Variants in BBS12 observed in about 807,000 individuals in gnomAD.
The protein encoded by BBS12 is Bardet-Biedl syndrome 12.
Under a neutral mutation model 5.6 loss-of-function variants are expected in BBS12, and 5 were observed. That is an observed-to-expected ratio of 0.89 (90% CI 0.46 to 1.86). The LOEUF (loss-of-function observed/expected upper bound fraction) is 1.86. BBS12 is among the 40% of genes most tolerant of loss of function. BBS12 has a pLI of 0.01. For synonymous variants in BBS12, 308 were observed against 306.8 expected (o/e 1.00, Z -0.04); for missense variants, 748 against 830.4 (o/e 0.90, Z 1.22).
the BBS12 span, among the ~76,000 whole-genome samples, chr4:122,723,497 A>G: frequency 1.3e-5 from 2 of 152,190 alleles, no homozygotes; most frequent in African/African-American, 2.4e-5. Flanking sequence ...GATCCATCCA[A>G]TATGAATTTT....
At position 122,732,839 on chromosome 4, in the gene BBS12, G is replaced by A. The variant is rs1800720082; in HGVS notation, c.-56G>A. On this transcript the variant is annotated 5_prime_UTR_variant, in exon 1 of 2. Transcript: ENST00000314218. ...AGCCAGAATCGCGTCTGGCCGGTGG[G>A]AAGCCGGGAACTCCAGCCCCCTGTA... 6.6e-6 allele frequency: 1 copy of A among 152,346 alleles called. No homozygotes were observed. Among genetic ancestry groups the A allele is most frequent in the African/African-American group, 2.4e-5 (1 of 41,446 alleles). 9.4% of individuals were successfully genotyped at this position (152,346 alleles called of 1,614,324 possible). A position where few individuals can be genotyped will look rare whatever the true frequency, so the allele number is the denominator to read the frequency against.
chr4:122,723,471 T>A, the BBS12 span, among the ~76,000 whole-genome samples: 6 of 152,238 alleles, frequency 3.9e-5, no homozygotes, highest in African/African-American at 1.2e-4. Flanking sequence ...TTCTGCTTAT[T>A]CTCAGACTTG....
At chr4:122,736,320 A>G (rs1213824330) in intron 1 of BBS12, among the ~76,000 whole-genome samples, 3 of 152,192 alleles carry the variant, frequency 2.0e-5, no homozygotes, top group Non-Finnish European at 4.4e-5. Flanking sequence ...TTTAAACAGT[A>G]GAGTGACATG....
the BBS12 span, among the ~76,000 whole-genome samples, chr4:122,710,404 T>A: frequency 6.6e-6 from 1 of 152,226 alleles, no homozygotes; most frequent in African/African-American, 2.4e-5. Flanking sequence ...GAAACTTTCT[T>A]TTCCCAAGAT....
chr4:122,726,657 T>C, the BBS12 span, among the ~76,000 whole-genome samples: 2 of 122,514 alleles, frequency 1.6e-5, no homozygotes, highest in African/African-American at 7.5e-5. Flanking sequence ...TCCATGTTTA[T>C]AGCAGCACAA....
the BBS12 span, among the ~76,000 whole-genome samples, chr4:122,721,150 G>A: frequency 2.0e-5 from 3 of 152,002 alleles, no homozygotes; most frequent in Admixed American, 2.0e-4. Context: ...TCAGACAAAA[G>A]CTCAGAGAAT....
chr4:122,710,497 T>C, the BBS12 span, among the ~76,000 whole-genome samples: 1 of 152,220 alleles, frequency 6.6e-6, no homozygotes, highest in South Asian at 2.1e-4. Context: ...AAGGAATTAT[T>C]CATATCCAGT....
At chr4:122,739,178 T>G (rs1357847388) in intron 1 of BBS12, among the ~76,000 whole-genome samples, 2 of 152,236 alleles carry the variant, frequency 1.3e-5, no homozygotes, top group Non-Finnish European at 2.9e-5. Context: ...ATTTTGATTT[T>G]GGGCTTCTAG....
At chr4:122,713,037 ATGAC>A in the BBS12 span, among the ~76,000 whole-genome samples, 9 of 152,262 alleles carry the variant, frequency 5.9e-5, no homozygotes, top group African/African-American at 2.2e-4. Context: ...AGTATTTCAG[ATGAC>A]TGCAGTTATA....
the BBS12 span, among the ~76,000 whole-genome samples, chr4:122,726,894 G>A: frequency 1.8e-4 from 27 of 152,312 alleles, no homozygotes; most frequent in East Asian, 4.2e-3. Context: ...ATAAGTGGGA[G>A]CTAAGCTATG....
chr4:122,701,915 T>C, the BBS12 span, among the ~76,000 whole-genome samples: 1 of 152,184 alleles, frequency 6.6e-6, no homozygotes, highest in Non-Finnish European at 1.5e-5. Flanking sequence ...GCAGCATGAT[T>C]GCTCCTGCCA....
upstream of BBS12, chr4:122,730,744 T>C (rs1476029833): frequency 6.6e-6 from 1 of 151,350 alleles, no homozygotes; most frequent in East Asian, 1.9e-4. Context: ...CAACTAAAGT[T>C]AGAATTATAA....
At chr4:122,727,224 T>A in the BBS12 span, among the ~76,000 whole-genome samples, 1 of 152,294 alleles carries the variant, frequency 6.6e-6, no homozygotes, top group Admixed American at 6.5e-5. Flanking sequence ...TATAAAATGC[T>A]CTTACAAACC....
chr4:122,715,811 A>C, the BBS12 span, among the ~76,000 whole-genome samples: 1 of 152,250 alleles, frequency 6.6e-6, no homozygotes, highest in Admixed American at 6.5e-5. Flanking sequence ...ATTAATATAA[A>C]GAATCTTATC....
the BBS12 span, among the ~76,000 whole-genome samples, chr4:122,701,475 T>A: frequency 6.6e-6 from 1 of 152,354 alleles, no homozygotes; most frequent in East Asian, 1.9e-4. Flanking sequence ...CATGTACACA[T>A]TTATGTCTGT....
intron 1 of BBS12, among the ~76,000 whole-genome samples, chr4:122,735,582 T>TTA (rs1165915753): frequency 1.3e-5 from 2 of 152,214 alleles, no homozygotes; most frequent in African/African-American, 4.8e-5. Flanking sequence ...TGGTTAAAAC[T>TTA]TATATTCATG....
rs764497344 is a variant in BBS12, at chr4:122,743,756, C to G, written c.1864C>G (p.His622Asp). 6.2e-7 allele frequency: 1 copy of G among 1,614,086 alleles called. No homozygotes were observed. The highest frequency in any genetic ancestry group is 1.3e-5 in the African/African-American group (1 of 74,942). ...TGAAGCCAGCACATACATTCAACAT[C>G]ATCTGCAAAATGCCACAGACTCTGG... is the stretch of plus-strand genomic sequence containing the variant. ...EFEASTYIQH[H>D]LQNATDSGSP... The change falls in exon 2 of 2, where the codon CAT becomes GAT. Residue 622 changes from histidine to aspartate, a missense_variant. Physicochemically the swap from His to Asp is moderately conservative, Grantham distance 81. Coordinates refer to ENST00000314218, the MANE Select transcript of BBS12 (RefSeq NM_152618.3).
At chr4:122,725,312 A>C in the BBS12 span, among the ~76,000 whole-genome samples, 2 of 152,200 alleles carry the variant, frequency 1.3e-5, no homozygotes, top group African/African-American at 4.8e-5. Flanking sequence ...CCAAAGCAAG[A>C]CTAAGCAAAA....
At chr4:122,733,859 C>CTTTTTTTTTTTTTTTTTTTTT (rs35729794) in intron 1 of BBS12, 5 of 97,130 alleles carry the variant, frequency 5.1e-5, no homozygotes, top group Admixed American at 1.2e-4. Flanking sequence ...TAACTTTAGT[C>CTTTTTTTTTTTTTTTTTTTTT]TTTTTTTTTT....
Sources: allele counts gnomAD v4.1 joint callset (sites outside exome capture counted in the v4.1 genomes callset), GRCh38; gene constraint gnomAD v4.1.1; transcripts MANE v1.5; gene names NCBI Gene and HGNC (gene_info 2026-07-23, HGNC 2026-07-21).